Variants in TAF3 observed in about 807,000 individuals in gnomAD.
TAF3 encodes transcription initiation factor TFIID subunit 3.
TAF3 carries 7 observed loss-of-function variants against 80.6 expected under a neutral mutation model. The ratio of observed to expected loss-of-function variants is 0.09; its 90% CI spans 0.05 to 0.16. The LOEUF is 0.16. Ranked by LOEUF, TAF3 falls within the 10% of genes least tolerant of loss-of-function variation. The pLI, the probability that TAF3 is intolerant of heterozygous loss-of-function variation, is 1.00. For missense variants in TAF3, 921 were observed against 1,140.2 expected, an observed-to-expected ratio of 0.81 and a Z score of 2.77; for synonymous variants, 444 against 446.1, an observed-to-expected ratio of 1.00 and a Z score of 0.06.
intron 2 of TAF3, among the ~76,000 whole-genome samples, chr10:7,845,959 GTTTTTT>G (rs34163537): frequency 7.6e-6 from 1 of 130,938 alleles, no homozygotes; most frequent in African/African-American, 2.8e-5. Context: ...GTGTGTTTTT[GTTTTTT>G]TTTTTTTTTT....
intron 4 of TAF3, among the ~76,000 whole-genome samples, chr10:7,978,540 A>C (rs1831694537): frequency 6.6e-6 from 1 of 152,212 alleles, no homozygotes; most frequent in Admixed American, 6.5e-5. Flanking sequence ...GTAGAGACCT[A>C]GGAAATGCAG....
intron 5 of TAF3, among the ~76,000 whole-genome samples, chr10:8,011,398 C>T (rs148455951): frequency 2.0e-5 from 3 of 152,160 alleles, no homozygotes; most frequent in African/African-American, 4.8e-5. Context: ...GGACCACAGG[C>T]GTCTGCCACC....
chr10:7,894,699 A>C (rs2131165945), intron 2 of TAF3, among the ~76,000 whole-genome samples: 1 of 152,376 alleles, frequency 6.6e-6, no homozygotes, highest in African/African-American at 2.4e-5. Flanking sequence ...TTAAATAAAT[A>C]AAATCAAATA....
chr10:7,857,039 G>C (rs184562471), intron 2 of TAF3, among the ~76,000 whole-genome samples: 1 of 152,100 alleles, frequency 6.6e-6, no homozygotes, highest in African/African-American at 2.4e-5. Flanking sequence ...TTTCATGTCC[G>C]TAAGCAAACC....
At chr10:7,961,586 T>A (rs1311580352) in intron 2 of TAF3, among the ~76,000 whole-genome samples, 1 of 152,214 alleles carries the variant, frequency 6.6e-6, no homozygotes, top group African/African-American at 2.4e-5. Flanking sequence ...TACCTGAACC[T>A]GTTTCCTCTT....
chr10:7,865,041 G>T (rs1837196172), intron 2 of TAF3, among the ~76,000 whole-genome samples: 1 of 152,160 alleles, frequency 6.6e-6, no homozygotes, highest in South Asian at 2.1e-4. Flanking sequence ...AGAAATGCCG[G>T]TGGATTTGTG....
In TAF3 at chr10:7,833,550, CT is replaced by C. The variant is rs139948788; in HGVS notation, c.409+8996del. The C allele has an allele frequency of 8.4e-3, 1,292 of 153,866 alleles. 19 individuals are homozygous for C. The highest frequency in any genetic ancestry group is 0.029 in the African/African-American group (1,216 of 41,550). The allele number at this position is 153,866 out of a possible 1,614,324, so 9.5% of individuals were successfully genotyped here. A position where few individuals can be genotyped will look rare whatever the true frequency, so the allele number is the denominator to read the frequency against. ...GGATTATTTCTTTCTGTAGGGTTTT[CT>C]TTTTTCCTTTTTTGGGGACCCAGCA... On this transcript the variant is annotated intron_variant, in intron 2 of 6. Coordinates refer to ENST00000344293, the MANE Select transcript of TAF3 (RefSeq NM_031923.4).
intron 5 of TAF3, 22 bp from the exon 6 acceptor site, chr10:8,013,709 G>T (rs41311222): frequency 6.2e-7 from 1 of 1,600,036 alleles, no homozygotes; most frequent in Admixed American, 1.7e-5. Context: ...CATTTTTGCC[G>T]CTTCCGCTTT....
At chr10:7,905,577 T>G (rs1290051051) in intron 2 of TAF3, among the ~76,000 whole-genome samples, 6 of 152,090 alleles carry the variant, frequency 3.9e-5, no homozygotes, top group Admixed American at 2.6e-4. Context: ...CAAAGCAATA[T>G]ACTCCTTTAA....
At chr10:7,822,097 A>G (rs1045091234) in intron 1 of TAF3, among the ~76,000 whole-genome samples, 1 of 152,188 alleles carries the variant, frequency 6.6e-6, no homozygotes, top group Non-Finnish European at 1.5e-5. Flanking sequence ...ACTCCTAAGT[A>G]GGGGAATAGT....
At chr10:7,990,757 A>G (rs1831825780) in intron 4 of TAF3, among the ~76,000 whole-genome samples, 1 of 152,192 alleles carries the variant, frequency 6.6e-6, no homozygotes, top group Non-Finnish European at 1.5e-5. Flanking sequence ...TATTGTTGAC[A>G]TGGGTGGGAG....
chr10:7,854,568 C>G (rs185078104), intron 2 of TAF3, among the ~76,000 whole-genome samples: 26 of 147,908 alleles, frequency 1.8e-4, no homozygotes, highest in Admixed American at 1.1e-3. Context: ...TGGAAGAAGC[C>G]TGGGGAGGAG....
intron 5 of TAF3, among the ~76,000 whole-genome samples, chr10:8,010,543 C>G (rs1450553219): frequency 1.3e-5 from 2 of 152,134 alleles, no homozygotes; most frequent in Non-Finnish European, 2.9e-5. Context: ...CAGAATATGC[C>G]AGGGCTTGCA....
intron 3 of TAF3, among the ~76,000 whole-genome samples, chr10:7,972,599 A>G (rs913571432): frequency 3.9e-5 from 6 of 152,252 alleles, no homozygotes; most frequent in African/African-American, 1.4e-4. Context: ...TAATTCAACC[A>G]GTTGACTGAA....
intron 2 of TAF3, among the ~76,000 whole-genome samples, chr10:7,918,189 G>A (rs1837730014): frequency 6.6e-6 from 1 of 152,192 alleles, no homozygotes; most frequent in South Asian, 2.1e-4. Flanking sequence ...ACAAGAAACA[G>A]TTAAGGACTG....
chr10:8,011,052 C>A (rs1214903733), intron 5 of TAF3, among the ~76,000 whole-genome samples: 2 of 152,122 alleles, frequency 1.3e-5, no homozygotes, highest in African/African-American at 4.8e-5. Context: ...TAGAATTAAA[C>A]ACACAAACAC....
intron 3 of TAF3, among the ~76,000 whole-genome samples, chr10:7,976,707 T>C (rs1234861099): frequency 1.3e-5 from 2 of 152,174 alleles, no homozygotes; most frequent in Non-Finnish European, 2.9e-5. Flanking sequence ...CTGCTTGTTT[T>C]TGTTTTCTTT....
chr10:7,965,714 A>G lies in TAF3; in HGVS notation c.2204A>G (p.Lys735Arg), dbSNP rs1331370163. Residue 735 changes from lysine to arginine, a missense_variant, in exon 3 of 7, where the codon AAA becomes AGA. Transcript: ENST00000344293. ...AAGAGAGAGCGAGAGAAGAGAGAAA[A>G]AGAGAAGGAGAAACACAAGCATGAA... ...KEKREREKRE[K>R]EKEKHKHEKI... The G allele has an allele frequency of 1.3e-6, 2 of 1,552,142 alleles. No homozygotes were observed. The highest frequency in any genetic ancestry group is 3.5e-4 in the Middle Eastern group (2 of 5,738).
intron 2 of TAF3, among the ~76,000 whole-genome samples, chr10:7,953,013 T>C (rs564172298): frequency 2.6e-4 from 40 of 152,282 alleles, no homozygotes; most frequent in African/African-American, 9.4e-4. Context: ...GCCCTTCTTT[T>C]CCTTCCCAGC....
Sources: allele counts gnomAD v4.1 joint callset (sites outside exome capture counted in the v4.1 genomes callset), GRCh38; gene constraint gnomAD v4.1.1; transcripts MANE v1.5; gene names NCBI Gene and HGNC (gene_info 2026-07-23, HGNC 2026-07-21).